Variants in TENM3 observed in about 807,000 individuals in gnomAD.
The protein encoded by TENM3 is teneurin-3.
In TENM3, 63 loss-of-function variants were observed where a neutral mutation model predicts 255.1. The observed-to-expected ratio is 0.25, with a 90% CI of 0.20 to 0.30. TENM3 has a LOEUF of 0.30. Among genes scored for constraint, TENM3 ranks in the 10% least tolerant of loss-of-function variants. TENM3 has a pLI of 1.00. For synonymous variants in TENM3, 1,306 were observed against 1,322.3 expected, an observed-to-expected ratio of 0.99 and a Z score of 0.27; for missense variants, 2,929 against 3,461.1, an observed-to-expected ratio of 0.85 and a Z score of 3.86.
At chr4:182,395,128 A>C (rs972943744) in intron 3 of TENM3, among the ~76,000 whole-genome samples, 1 of 152,196 alleles carries the variant, frequency 6.6e-6, no homozygotes, top group African/African-American at 2.4e-5. Flanking sequence ...CTAGTCTGTG[A>C]GATTAATCCC....
the TENM3 span, among the ~76,000 whole-genome samples, chr4:181,603,570 T>A: frequency 6.6e-6 from 1 of 152,186 alleles, no homozygotes; most frequent in Non-Finnish European, 1.5e-5. Flanking sequence ...AGAAAATTAG[T>A]CCCTCAATGT....
rs1359010095 is a variant in TENM3 at position 182,357,899 on chromosome 4, G to A, written c.511+10970G>A. Among the ~76,000 whole-genome samples the A allele has an allele frequency of 1.2e-4, 18 of 151,718 alleles. No individual in the cohort carries two copies. In the East Asian group the frequency reaches 3.3e-3, roughly 28 times the overall value. On this transcript the variant is annotated intron_variant, in intron 3 of 27. Coordinates refer to ENST00000511685, the MANE Select transcript of TENM3 (RefSeq NM_001080477.4). ...CATCTTGAATTGATTTTTGTATAAG[G>A]TGTAAGGAAGGGATCCAGTTTCAGC... is the stretch of plus-strand genomic sequence containing the variant.
chr4:181,493,922 G>A, the TENM3 span, among the ~76,000 whole-genome samples: 24 of 152,040 alleles, frequency 1.6e-4, no homozygotes, highest in Admixed American at 4.6e-4. Flanking sequence ...AACAACCACC[G>A]CAATAATAAT....
the TENM3 span, among the ~76,000 whole-genome samples, chr4:181,448,154 A>ATTTTTTTTTTTTTTTTTTTT: frequency 7.8e-5 from 7 of 90,066 alleles, no homozygotes; most frequent in African/African-American, 3.4e-4. Context: ...AAATCCAGTA[A>ATTTTTTTTTTTTTTTTTTTT]TTTTTTTTTT....
At chr4:182,096,786 T>G in the TENM3 span, among the ~76,000 whole-genome samples, 34 of 152,270 alleles carry the variant, frequency 2.2e-4, no homozygotes, top group East Asian at 5.6e-3. Flanking sequence ...AGGAACATGT[T>G]GAACTGCACC....
At chr4:181,954,716 T>A in the TENM3 span, among the ~76,000 whole-genome samples, 1 of 152,322 alleles carries the variant, frequency 6.6e-6, no homozygotes, top group African/African-American at 2.4e-5. Flanking sequence ...CGAATGTCAA[T>A]TTTGATAAAG....
chr4:182,186,774 T>G (rs1753182695), intron 1 of TENM3, among the ~76,000 whole-genome samples: 2 of 40,246 alleles, frequency 5.0e-5, no homozygotes, highest in African/African-American at 2.4e-4. Flanking sequence ...TATATATATA[T>G]ATATATATAT....
At chr4:181,501,667 C>T in the TENM3 span, among the ~76,000 whole-genome samples, 6 of 152,304 alleles carry the variant, frequency 3.9e-5, no homozygotes, top group South Asian at 2.1e-4. Flanking sequence ...CGTGAGCCAA[C>T]ACGCCCAGCC....
At chr4:182,232,876 T>C (rs1302173455) in intron 1 of TENM3, among the ~76,000 whole-genome samples, 1 of 152,134 alleles carries the variant, frequency 6.6e-6, no homozygotes, top group African/African-American at 2.4e-5. Flanking sequence ...AGGATTCACA[T>C]TCCTGGCCCG....
chr4:182,343,033 C>T (rs112332906), intron 2 of TENM3, among the ~76,000 whole-genome samples: 41 of 152,298 alleles, frequency 2.7e-4, no homozygotes, highest in African/African-American at 9.1e-4. Context: ...TTTGTCCTTA[C>T]ACCATCCTTT....
chr4:181,836,234 G>A, the TENM3 span, among the ~76,000 whole-genome samples: 6 of 150,710 alleles, frequency 4.0e-5, no homozygotes, highest in African/African-American at 1.5e-4. Flanking sequence ...AATTCTCTGG[G>A]TAATAGGAAT....
chr4:181,511,801 G>A, the TENM3 span, among the ~76,000 whole-genome samples: 2 of 152,078 alleles, frequency 1.3e-5, no homozygotes, highest in African/African-American at 2.4e-5. Context: ...GACCACCAGC[G>A]GGTCAAAATG....
intron 3 of TENM3, among the ~76,000 whole-genome samples, chr4:182,591,696 G>A (rs1746668420): frequency 6.6e-6 from 1 of 152,170 alleles, no homozygotes; most frequent in African/African-American, 2.4e-5. Context: ...CACTGGGCTT[G>A]TGTGAGAATT....
intron 3 of TENM3, among the ~76,000 whole-genome samples, chr4:182,584,812 T>C (rs1304975626): frequency 1.3e-5 from 2 of 152,058 alleles, no homozygotes; most frequent in Non-Finnish European, 2.9e-5. Context: ...GCTAATTTTT[T>C]TGTATTTTTA....
intron 3 of TENM3, among the ~76,000 whole-genome samples, chr4:182,459,530 T>C (rs1352487173): frequency 1.3e-5 from 2 of 152,190 alleles, no homozygotes; most frequent in African/African-American, 4.8e-5. Context: ...ATTCGTGGCC[T>C]TTTTTAAACT....
the TENM3 span, among the ~76,000 whole-genome samples, chr4:181,636,171 G>A: frequency 1.3e-5 from 2 of 151,854 alleles, no homozygotes; most frequent in Non-Finnish European, 2.9e-5. Context: ...TCAGCCTCCC[G>A]AGTAGCTGGG....
the TENM3 span, among the ~76,000 whole-genome samples, chr4:181,934,731 G>A: frequency 6.6e-6 from 1 of 151,944 alleles, no homozygotes; most frequent in East Asian, 1.9e-4. Context: ...AAAGAATGTG[G>A]TGTCTAATGG....
chr4:181,929,504 C>A, the TENM3 span, among the ~76,000 whole-genome samples: 2 of 152,044 alleles, frequency 1.3e-5, no homozygotes, highest in South Asian at 2.1e-4. Flanking sequence ...TATATGCCCC[C>A]AATACAGGAG....
At chr4:182,690,997 C>T (rs1756968146) in intron 12 of TENM3, among the ~76,000 whole-genome samples, 1 of 152,190 alleles carries the variant, frequency 6.6e-6, no homozygotes, top group African/African-American at 2.4e-5. Flanking sequence ...AGATGTAGAG[C>T]ACCTTTAAAG....
Sources: allele counts gnomAD v4.1 joint callset (sites outside exome capture counted in the v4.1 genomes callset), GRCh38; gene constraint gnomAD v4.1.1; transcripts MANE v1.5; gene names NCBI Gene and HGNC (gene_info 2026-07-23, HGNC 2026-07-21).